TCOF1: variants seen among roughly 807,000 people sequenced by gnomAD.
TCOF1 encodes the protein treacle ribosome biogenesis factor 1, also known as treacle protein.
TCOF1 carries 33 observed loss-of-function variants against 149.0 expected under a neutral mutation model. That is an observed-to-expected ratio of 0.22 (90% confidence interval 0.17 to 0.30). TCOF1 has a LOEUF of 0.30. Among genes scored for constraint, TCOF1 ranks in the 10% least tolerant of loss-of-function variants. The pLI, the probability that TCOF1 is intolerant of heterozygous loss-of-function variation, is 1.00. For synonymous variants in TCOF1, 789 were observed against 738.8 expected, an observed-to-expected ratio of 1.07 and a Z score of -1.10; for missense variants, 1,728 against 1,840.7, an observed-to-expected ratio of 0.94 and a Z score of 1.12.
At chr5:150,397,649 C>T (rs1442477728) in intron 24 of TCOF1, among the ~76,000 whole-genome samples, 11 of 152,150 alleles carry the variant, frequency 7.2e-5, no homozygotes, top group African/African-American at 2.2e-4. Context: ...TTGCCAGTGA[C>T]GCCCGAAGAG....
intron 1 of TCOF1, among the ~76,000 whole-genome samples, chr5:150,359,211 G>A (rs1174496067): frequency 1.3e-5 from 2 of 151,722 alleles, no homozygotes; most frequent in Non-Finnish European, 2.9e-5. Flanking sequence ...GCCATGCATG[G>A]TGGCATGCAC....
chr5:150,380,387 C>T (rs1453912433), intron 17 of TCOF1: 1 of 155,284 alleles, frequency 6.4e-6, no homozygotes, highest in Non-Finnish European at 1.4e-5. Flanking sequence ...TAACGTTATA[C>T]AAAATGACTC....
chr5:150,364,383 A>G (rs928282455), intron 3 of TCOF1, 131 bp downstream of exon 3: 10 of 1,355,730 alleles, frequency 7.4e-6, no homozygotes, highest in African/African-American at 1.5e-5. Flanking sequence ...AGGGCACCAC[A>G]TATCTTTGGC....
rs751531066 is a variant in TCOF1, at chr5:150,378,824, C to T, written c.2341-81C>T. On this transcript the variant is annotated intron_variant, in intron 14 of 26. Coordinates refer to ENST00000643257, the MANE Select transcript of TCOF1 (RefSeq NM_001371623.1). ...GGAGCCAGAATCCAGACTCGGGCTC[C>T]AGCTCCAGAGTCTGTATTCTTGGCT... 1.6e-4 allele frequency: 253 copies of T among 1,603,596 alleles called. 1 individual carries two copies. The Middle Eastern group carries it at 4.8e-3, about 31-fold the overall frequency.
At chr5:150,399,750 T>A (rs750733290) in intron 26 of TCOF1, 60 bp from the exon 27 acceptor site, 1 of 153,828 alleles carries the variant, frequency 6.5e-6, no homozygotes, top group Non-Finnish European at 1.4e-5. Flanking sequence ...CAGATTTCAT[T>A]TTCCTTGCAG....
chr5:150,393,599 G>A (rs1447070730), intron 23 of TCOF1, 47 bp downstream of exon 23: 2 of 1,612,506 alleles, frequency 1.2e-6, no homozygotes, highest in Admixed American at 1.7e-5. Flanking sequence ...CAGAGGGACA[G>A]GGCAGTGGGC....
At chr5:150,380,188 G>A (rs1010510360) in intron 17 of TCOF1, 7 of 205,832 alleles carry the variant, frequency 3.4e-5, no homozygotes, top group East Asian at 2.4e-4. Context: ...GCCCTCCTCC[G>A]TCTGCTGTCA....
rs144724066 is a variant in TCOF1 at position 150,378,982 on chromosome 5, T to G, written c.2418T>G (p.Ile806Met). The change falls in exon 15 of 27, where the codon ATT (isoleucine) becomes ATG (methionine). Residue 806 changes from isoleucine to methionine, a missense_variant. Physicochemically the swap from Ile to Met is conservative, Grantham distance 10. Transcript: ENST00000643257. ...AARAPSAKGT[I>M]SAPGKVVTAA... ...GAGCACCTTCAGCAAAAGGGACAAT[T>G]TCAGCCCCTGGAAAAGTTGTCACTG... The G allele has an allele frequency of 1.2e-6, 2 of 1,613,894 alleles. No individual in the cohort carries two copies. The highest frequency in any genetic ancestry group is 2.7e-5 in the African/African-American group (2 of 74,854).
intron 24 of TCOF1, 84 bp downstream of exon 24, chr5:150,396,926 C>T: frequency 2.7e-6 from 4 of 1,460,150 alleles, no homozygotes; most frequent in Non-Finnish European, 3.7e-6. Context: ...AGCACCTGGT[C>T]TCATTCCTCC....
At chr5:150,365,795 C>G (rs575928789) in intron 3 of TCOF1, among the ~76,000 whole-genome samples, 10 of 152,112 alleles carry the variant, frequency 6.6e-5, no homozygotes, top group African/African-American at 2.4e-4. Context: ...CTGCCTCAGC[C>G]TCCGGGTATG....
At chr5:150,384,488 C>T (rs1765867337) in intron 17 of TCOF1, 2 of 985,368 alleles carry the variant, frequency 2.0e-6, no homozygotes, top group Non-Finnish European at 2.4e-6. Flanking sequence ...CTCTCCTGGG[C>T]TTGGGCATTG....
chr5:150,377,001 C>T (rs1763962177), intron 14 of TCOF1, among the ~76,000 whole-genome samples: 2 of 152,208 alleles, frequency 1.3e-5, no homozygotes, highest in African/African-American at 4.8e-5. Context: ...GGGTGTGAGC[C>T]TGGGCTGCGC....
chr5:150,358,061 C>G (rs1759065150), intron 1 of TCOF1, among the ~76,000 whole-genome samples: 1 of 152,228 alleles, frequency 6.6e-6, no homozygotes, highest in South Asian at 2.1e-4. Context: ...TTTCCTCATC[C>G]GGGCAGTGGG....
At position 150,372,304 on chromosome 5, in the gene TCOF1, A is replaced by G. The variant is rs111626672; in HGVS notation, c.870+68A>G. The G allele has an allele frequency of 4.8e-4, 665 of 1,386,220 alleles. 7 individuals are homozygous for G. In the South Asian group the frequency reaches 5.0e-3, roughly 11 times the overall value. 85.9% of individuals were successfully genotyped at this position (1,386,220 alleles called of 1,614,324 possible). ...CCCCCAGCAGCCTGAGCACTCTGCCATGAGCACCTCTGCCACTGGAGTTGG... is the reference window on the plus strand; with the variant it reads ...CCCCCAGCAGCCTGAGCACTCTGCCGTGAGCACCTCTGCCACTGGAGTTGG... On this transcript the variant is annotated intron_variant, in intron 7 of 26. Transcript: ENST00000643257.
Position 150,396,376 on chromosome 5 carries a change from A to G in TCOF1, c.3879A>G (p.Gln1293=). 2 of 1,613,986 alleles carry G rather than the reference A, an allele frequency of 1.2e-6. No homozygotes were observed. The highest frequency in any genetic ancestry group is 1.7e-6 in the Non-Finnish European group (2 of 1,180,030). Residue 1293 remains glutamine (Q), a synonymous_variant, in exon 24 of 27, where the codon CAA becomes CAG. Coordinates refer to ENST00000643257, the MANE Select transcript of TCOF1 (RefSeq NM_001371623.1). The part of the protein sequence containing the change: ...GNPQASTLAL[Q]SNITQCLLGQ... ...CCCAAGCCTCAACCCTGGCGCTGCA[A>G]AGCAACATCACCCAGTGCCTCCTGG...
chr5:150,397,137 G>A (rs1258383066), intron 24 of TCOF1, among the ~76,000 whole-genome samples: 4 of 122,238 alleles, frequency 3.3e-5, no homozygotes, highest in South Asian at 3.0e-4. Context: ...CAGCCTGGGT[G>A]ACAGAGCAAG....
At chr5:150,372,464 C>A (rs1762757807) in intron 7 of TCOF1, among the ~76,000 whole-genome samples, 1 of 152,374 alleles carries the variant, frequency 6.6e-6, no homozygotes, top group East Asian at 1.9e-4. Flanking sequence ...CTGTCCTCGT[C>A]CCAGCCAGTC....
intron 23 of TCOF1, chr5:150,394,674 T>C (rs1768073780): frequency 6.6e-6 from 1 of 152,196 alleles, no homozygotes; most frequent in South Asian, 2.1e-4. Flanking sequence ...CCCAGCACTT[T>C]GGGAGGCCAG....
rs199754848 is a variant in TCOF1 at position 150,357,721 on chromosome 5, T to G, written c.-26T>G. 14 of 1,539,076 alleles carry G rather than the reference T, an allele frequency of 9.1e-6. No individual in the cohort carries two copies. The highest frequency in any genetic ancestry group is 7.9e-5 in the Admixed American group (4 of 50,804). On this transcript the variant is annotated 5_prime_UTR_variant, in exon 1 of 27. Transcript: ENST00000643257. ...CGGGGACTAAGGCGGGGCGTGCAGG[T>G]AGCCGGCCGGCCGGGGGTCGCGGGT...
Sources: allele counts gnomAD v4.1 joint callset (sites outside exome capture counted in the v4.1 genomes callset), GRCh38; gene constraint gnomAD v4.1.1; transcripts MANE v1.5; gene names NCBI Gene and HGNC (gene_info 2026-07-23, HGNC 2026-07-21).